The following MCU variants were observed in gnomAD, a reference collection of about 807,000 sequenced individuals.
MCU encodes the protein mitochondrial calcium uniporter, also known as calcium uniporter protein, mitochondrial.
A neutral mutation model predicts 45.2 loss-of-function variants in MCU; 12 were observed. The observed-to-expected ratio is 0.27, with a 90% CI of 0.17 to 0.43. MCU has a LOEUF of 0.43. MCU is among the 20% of genes least tolerant of loss of function. The pLI, the probability that MCU is intolerant of heterozygous loss-of-function variation, is 1.00. For missense variants in MCU, 324 were observed against 436.7 expected (o/e 0.74, Z 2.30); for synonymous variants, 160 against 165.1 (o/e 0.97, Z 0.24).
At chr10:72,746,254 A>T (rs1169133577) in intron 1 of MCU, among the ~76,000 whole-genome samples, 2 of 152,258 alleles carry the variant, frequency 1.3e-5, no homozygotes, top group African/African-American at 4.8e-5. Flanking sequence ...AACCAAAAAG[A>T]AAAGGCCTCC....
intron 1 of MCU, among the ~76,000 whole-genome samples, chr10:72,805,301 T>C (rs1314081404): frequency 1.3e-5 from 2 of 150,396 alleles, no homozygotes; most frequent in Non-Finnish European, 1.5e-5. Flanking sequence ...CAGGCTGGAG[T>C]GTAGCAGTGT....
chr10:72,773,687 C>T (rs2132740451), intron 1 of MCU, among the ~76,000 whole-genome samples: 1 of 152,224 alleles, frequency 6.6e-6, no homozygotes, highest in Admixed American at 6.5e-5. Context: ...ATATAATAAA[C>T]TCTCAAAAGT....
chr10:72,706,542 CTT>C (rs1251706679), intron 1 of MCU, among the ~76,000 whole-genome samples: 13 of 143,292 alleles, frequency 9.1e-5, no homozygotes, highest in African/African-American at 7.6e-5. Context: ...AGTATCTTCT[CTT>C]TTTTTTTTTT....
intron 1 of MCU, among the ~76,000 whole-genome samples, chr10:72,812,117 T>C (rs1443996138): frequency 6.6e-6 from 1 of 152,038 alleles, no homozygotes; most frequent in Non-Finnish European, 1.5e-5. Context: ...TAAAATGCTT[T>C]TAATTTGTAA....
At chr10:72,818,665 AC>A (rs1844662049) in intron 1 of MCU, among the ~76,000 whole-genome samples, 1 of 151,852 alleles carries the variant, frequency 6.6e-6, no homozygotes, top group African/African-American at 2.4e-5. Flanking sequence ...CGTGGTGAAA[AC>A]CCTGTCTCTA....
At chr10:72,834,278 T>C in intron 1 of MCU, 81 bp from the exon 2 acceptor site, 1 of 941,980 alleles carries the variant, frequency 1.1e-6, no homozygotes, top group Middle Eastern at 2.2e-4. Flanking sequence ...TAATCATATG[T>C]ATATATTTAT....
chr10:72,767,186 T>C (rs1452544035), intron 1 of MCU: 1 of 152,180 alleles, frequency 6.6e-6, no homozygotes, highest in African/African-American at 2.4e-5. Context: ...TCTTTTTTTT[T>C]ATTTTAATGG....
At chr10:72,795,814 A>G (rs1208948331) in intron 1 of MCU, among the ~76,000 whole-genome samples, 1 of 152,132 alleles carries the variant, frequency 6.6e-6, no homozygotes, top group African/African-American at 2.4e-5. Flanking sequence ...CCTGGACAAC[A>G]TAGTGAAACC....
intron 1 of MCU, among the ~76,000 whole-genome samples, chr10:72,752,624 A>G (rs1310616186): frequency 6.6e-6 from 1 of 152,188 alleles, no homozygotes; most frequent in East Asian, 1.9e-4. Context: ...ATGAAGGACA[A>G]TATGGGATCT....
chr10:72,874,490 T>C (rs1397113686), intron 6 of MCU, among the ~76,000 whole-genome samples: 1 of 152,230 alleles, frequency 6.6e-6, no homozygotes, highest in Non-Finnish European at 1.5e-5. Flanking sequence ...CTATTGAACA[T>C]ACGCATTTTC....
intron 1 of MCU, among the ~76,000 whole-genome samples, chr10:72,761,004 C>T (rs1265258220): frequency 6.6e-6 from 1 of 152,092 alleles, no homozygotes; most frequent in Non-Finnish European, 1.5e-5. Flanking sequence ...GTACTGGACT[C>T]AGTCAAATGC....
chr10:72,771,412 G>T (rs977527998), intron 1 of MCU, among the ~76,000 whole-genome samples: 1 of 152,074 alleles, frequency 6.6e-6, no homozygotes, highest in African/African-American at 2.4e-5. Context: ...TGGTGTATAT[G>T]TGCACATTTT....
intron 1 of MCU, among the ~76,000 whole-genome samples, chr10:72,696,731 A>G (rs1040395479): frequency 6.6e-6 from 1 of 152,148 alleles, no homozygotes; most frequent in Admixed American, 6.5e-5. Flanking sequence ...TCAGACAAGC[A>G]TTAGTTAGCT....
At chr10:72,780,551 T>TGTGTG (rs1554823562) in intron 1 of MCU, among the ~76,000 whole-genome samples, 48 of 144,026 alleles carry the variant, frequency 3.3e-4, no homozygotes, top group Non-Finnish European at 4.8e-4. Flanking sequence ...TGTGTGTGTG[T>TGTGTG]TGGGTGAATT....
At chr10:72,735,301 T>A (rs896942529) in intron 1 of MCU, among the ~76,000 whole-genome samples, 3 of 152,148 alleles carry the variant, frequency 2.0e-5, no homozygotes, top group African/African-American at 7.2e-5. Context: ...GTTATCAGAC[T>A]GAAAGAATTG....
At position 72,823,182 on chromosome 10, in the gene MCU, A is replaced by G. The variant is rs529441093; in HGVS notation, c.151-11177A>G. Among the ~76,000 whole-genome samples, 221 of 152,376 alleles carry G rather than the reference A, an allele frequency of 1.5e-3. 2 individuals carry two copies. Among genetic ancestry groups the G allele is most frequent in the African/African-American group, 4.9e-3 (202 of 41,592 alleles). ...CCATACAATGGAATATTATTTGGCA[A>G]TAAAAAGGAATTAAGTACCAATATG... On this transcript the variant is annotated intron_variant, in intron 1 of 7. Transcript: ENST00000373053.
At chr10:72,754,545 G>A (rs1272335439) in intron 1 of MCU, among the ~76,000 whole-genome samples, 1 of 152,164 alleles carries the variant, frequency 6.6e-6, no homozygotes, top group African/African-American at 2.4e-5. Flanking sequence ...GAGCCCAGGA[G>A]TTTGAGATGA....
At chr10:72,799,451 C>T (rs756510799) in intron 1 of MCU, among the ~76,000 whole-genome samples, 24 of 152,118 alleles carry the variant, frequency 1.6e-4, no homozygotes, top group Middle Eastern at 3.4e-3. Context: ...GTAAGCACTC[C>T]TAGCTTTGTG....
chr10:72,824,753 T>C (rs1220088327), intron 1 of MCU, among the ~76,000 whole-genome samples: 1 of 152,198 alleles, frequency 6.6e-6, no homozygotes, highest in Non-Finnish European at 1.5e-5. Flanking sequence ...TTATAGCAGC[T>C]GTTGTATCCC....
Sources: allele counts gnomAD v4.1 joint callset (sites outside exome capture counted in the v4.1 genomes callset), GRCh38; gene constraint gnomAD v4.1.1; transcripts MANE v1.5; gene names NCBI Gene and HGNC (gene_info 2026-07-23, HGNC 2026-07-21).